Variants in SLC28A3 observed in about 807,000 individuals in gnomAD.
SLC28A3 encodes solute carrier family 28 member 3, also known as concentrative Na(+)-nucleoside cotransporter 3.
In SLC28A3, 68 loss-of-function variants were observed where a neutral mutation model predicts 84.2. That is an observed-to-expected ratio of 0.81 (90% confidence interval 0.66 to 0.99). The LOEUF is 0.99. Ranked by LOEUF, SLC28A3 falls within the 50% of genes least tolerant of loss-of-function variation. The pLI is 0.00. For missense variants in SLC28A3, 712 were observed against 841.5 expected, an observed-to-expected ratio of 0.85 and a Z score of 1.90; for synonymous variants, 267 against 303.6, an observed-to-expected ratio of 0.88 and a Z score of 1.25.
At chr9:84,301,349 C>CAAAAAAAA (rs59917986) in intron 5 of SLC28A3, among the ~76,000 whole-genome samples, 14 of 44,700 alleles carry the variant, frequency 3.1e-4, no homozygotes, top group South Asian at 1.2e-3. Flanking sequence ...GACTCTGTCT[C>CAAAAAAAA]AAAAAAAAAA....
intron 3 of SLC28A3, among the ~76,000 whole-genome samples, chr9:84,305,718 G>A (rs760761975): frequency 6.6e-6 from 1 of 152,126 alleles, no homozygotes. Context: ...TGTTTATTAC[G>A]TGTTTATTGT....
the SLC28A3 span, among the ~76,000 whole-genome samples, chr9:84,366,596 G>A: frequency 3.7e-4 from 57 of 152,166 alleles, no homozygotes; most frequent in Non-Finnish European, 3.7e-4. Flanking sequence ...TCTGCTTTGG[G>A]GGACACCCCA....
At chr9:84,311,359 C>T in intron 2 of SLC28A3, among the ~76,000 whole-genome samples, 1 of 151,876 alleles carries the variant, frequency 6.6e-6, no homozygotes, top group East Asian at 1.9e-4. Context: ...TATTGTCTAC[C>T]CACCCTCACC....
chr9:84,347,729 C>A, the SLC28A3 span, among the ~76,000 whole-genome samples: 6 of 152,098 alleles, frequency 3.9e-5, no homozygotes, highest in Admixed American at 2.6e-4. Context: ...ATTGATTCCA[C>A]CAGAAATGAA....
the SLC28A3 span, among the ~76,000 whole-genome samples, chr9:84,347,059 C>T: frequency 6.6e-6 from 1 of 151,718 alleles, no homozygotes; most frequent in Admixed American, 6.6e-5. Context: ...ACCAGTAATC[C>T]CATTTACTCA....
At chr9:84,327,721 G>A (rs1282495804) in intron 1 of SLC28A3, among the ~76,000 whole-genome samples, 2 of 151,896 alleles carry the variant, frequency 1.3e-5, no homozygotes, top group Admixed American at 6.6e-5. Flanking sequence ...GAGGTCAGAA[G>A]TTTGAGACCA....
chr9:84,287,505 A>G (rs751875711), intron 12 of SLC28A3, among the ~76,000 whole-genome samples: 13 of 152,198 alleles, frequency 8.5e-5, no homozygotes, highest in East Asian at 7.7e-4. Flanking sequence ...ACACTCTGCT[A>G]TATTTATAAA....
At chr9:84,310,495 G>A (rs1027857796) in intron 2 of SLC28A3, 1 of 985,320 alleles carries the variant, frequency 1.0e-6, no homozygotes, top group Non-Finnish European at 1.2e-6. Flanking sequence ...GGAGGAAATA[G>A]ATGGAGGTGG....
chr9:84,310,301 A>G (rs1244340929), intron 2 of SLC28A3: 1 of 637,104 alleles, frequency 1.6e-6, no homozygotes, highest in Non-Finnish European at 1.9e-6. Context: ...AATTGAGTGT[A>G]GGATATCTCT....
intron 3 of SLC28A3, among the ~76,000 whole-genome samples, chr9:84,307,696 A>AAGC (rs201368810): frequency 6.7e-6 from 1 of 149,610 alleles, no homozygotes; most frequent in Non-Finnish European, 1.5e-5. Flanking sequence ...ATATATTAAG[A>AAGC]AGCAGCAGCA....
the SLC28A3 span, among the ~76,000 whole-genome samples, chr9:84,352,915 A>AAAAT: frequency 7.1e-6 from 1 of 141,562 alleles, no homozygotes; most frequent in East Asian, 2.2e-4. Context: ...AAAAAAAAAA[A>AAAAT]CCTTATTAAG....
intron 14 of SLC28A3, among the ~76,000 whole-genome samples, chr9:84,281,447 G>A (rs956178163): frequency 2.6e-5 from 4 of 152,184 alleles, no homozygotes; most frequent in African/African-American, 4.8e-5. Flanking sequence ...AAGCCACAAT[G>A]AGATACTACT....
At chr9:84,288,207 C>G in intron 11 of SLC28A3, 29 bp from the exon 12 acceptor site, 7 of 1,612,996 alleles carry the variant, frequency 4.3e-6, no homozygotes, top group Non-Finnish European at 5.9e-6. Context: ...GAAGGCAAAC[C>G]TGGGATTAGC....
intron 1 of SLC28A3, among the ~76,000 whole-genome samples, chr9:84,331,099 G>A (rs539966970): frequency 2.2e-4 from 34 of 152,282 alleles, no homozygotes; most frequent in Non-Finnish European, 4.3e-4. Context: ...CCATGGAAGT[G>A]ACTTGGTTTA....
chr9:84,317,475 C>T (rs1384520888), intron 1 of SLC28A3, among the ~76,000 whole-genome samples: 1 of 152,126 alleles, frequency 6.6e-6, no homozygotes, highest in African/African-American at 2.4e-5. Flanking sequence ...GGTGGGGACT[C>T]CTGCCTCTGT....
At chr9:84,307,315 C>T (rs142007597) in intron 3 of SLC28A3, among the ~76,000 whole-genome samples, 3,900 of 151,260 alleles carry the variant, frequency 0.026, 82 homozygotes, top group Non-Finnish European at 0.041. Context: ...CCTGTAATCC[C>T]AGCTACTCGG....
chr9:84,298,380 G>A (rs185551825), intron 6 of SLC28A3, among the ~76,000 whole-genome samples: 18 of 148,938 alleles, frequency 1.2e-4, no homozygotes, highest in Admixed American at 5.2e-4. Flanking sequence ...CCAGCTACTC[G>A]GGAGGCTGAG....
At chr9:84,355,548 T>G in the SLC28A3 span, among the ~76,000 whole-genome samples, 1 of 152,162 alleles carries the variant, frequency 6.6e-6, no homozygotes, top group Non-Finnish European at 1.5e-5. Flanking sequence ...GTACATATTG[T>G]CATTTTCGGT....
the SLC28A3 span, among the ~76,000 whole-genome samples, chr9:84,358,342 C>T: frequency 3.9e-5 from 6 of 152,136 alleles, no homozygotes; most frequent in African/African-American, 1.4e-4. Context: ...GTTTATACAG[C>T]ATTTTCACTT....
Sources: gnomAD v4.1 joint callset for allele counts (sites outside exome capture counted in the v4.1 genomes callset) on GRCh38, gnomAD v4.1.1 for gene constraint, MANE v1.5 for transcripts, NCBI Gene and HGNC (gene_info 2026-07-23, HGNC 2026-07-21) for gene names.